Variants in PGLS observed in about 807,000 individuals in gnomAD.
The protein encoded by PGLS is epididymis secretory protein Li 304.
Under a neutral mutation model 23.2 loss-of-function variants are expected in PGLS, and 21 were observed. The observed-to-expected ratio is 0.91, with a 90% confidence interval of 0.64 to 1.31. The LOEUF is 1.31. Ranked by LOEUF, PGLS falls within the 50% of genes most tolerant of loss-of-function variation. The pLI is 0.00. For missense variants in PGLS, 410 were observed against 354.0 expected, an observed-to-expected ratio of 1.16 and a Z score of -1.27; for synonymous variants, 179 against 165.4, an observed-to-expected ratio of 1.08 and a Z score of -0.63.
At chr19:17,514,218 C>G (rs558267214) in intron 1 of PGLS, among the ~76,000 whole-genome samples, 1 of 152,146 alleles carries the variant, frequency 6.6e-6, no homozygotes, top group Admixed American at 6.6e-5. Context: ...TCATTTTCTC[C>G]TCATCTTCTG....
intron 1 of PGLS, chr19:17,515,897 C>T (rs1160423780): frequency 6.1e-6 from 2 of 327,044 alleles, no homozygotes; most frequent in Non-Finnish European, 1.2e-5. Flanking sequence ...GTCCAGCCCC[C>T]CAAGAGCAGC....
rs2075508142 is a variant in PGLS at position 17,511,825 on chromosome 19, C to G, written c.153C>G (p.Val51=). 1 of 1,520,594 alleles carries G rather than the reference C, an allele frequency of 6.6e-7. No individual in the cohort carries two copies. The highest frequency in any genetic ancestry group is 8.8e-7 in the Non-Finnish European group (1 of 1,138,516). The allele number at this position is 1,520,594 out of a possible 1,614,324, so 94.2% of individuals were successfully genotyped here. A position where few individuals can be genotyped will look rare whatever the true frequency, so the allele number is the denominator to read the frequency against. The change falls in exon 1 of 5, where the codon GTC becomes GTG. Residue 51 remains valine, a synonymous_variant. Coordinates refer to ENST00000252603, the MANE Select transcript of PGLS (RefSeq NM_012088.3). ...FALGLSGGSL[V]SMLARELPAA... ...TCGGCCTGTCGGGCGGGAGCCTCGT[C>G]TCGATGCTAGCCCGCGAGCTACCCG... is the stretch of plus-strand genomic sequence containing the variant.
chr19:17,514,987 C>T (rs1382312486), intron 1 of PGLS, among the ~76,000 whole-genome samples: 3 of 151,822 alleles, frequency 2.0e-5, no homozygotes, highest in African/African-American at 7.3e-5. Flanking sequence ...CGAAGTTTCA[C>T]TATGCTGCCC....
intron 2 of PGLS, among the ~76,000 whole-genome samples, chr19:17,516,804 G>A (rs2075535264): frequency 1.3e-5 from 2 of 150,826 alleles, no homozygotes; most frequent in South Asian, 4.2e-4. Context: ...AGCCAGGATG[G>A]TCTCGATCTC....
rs2075524046 is a variant in PGLS, at chr19:17,514,477, C to A, written c.289-1696C>A. 2.0e-5 allele frequency among the ~76,000 whole-genome samples: 3 copies of A among 151,374 alleles called. No homozygotes were observed. In the South Asian group the frequency reaches 6.3e-4, roughly 32 times the overall value. On this transcript the variant is annotated intron_variant, in intron 1 of 4. Transcript: ENST00000252603. The stretch of plus-strand genomic sequence containing the variant: ...CTTCCTTCCTCCCTTCCTATACTTT[C>A]TTTTCTTTTCCTTTCCTTTTCTTTC...
At position 17,517,335 on chromosome 19, in the gene PGLS, G is replaced by A; in HGVS notation, c.444G>A (p.Gly148=). Residue 148 remains glycine, a synonymous_variant, in exon 3 of 5, where the codon GGG becomes GGA. Coordinates refer to ENST00000252603, the MANE Select transcript of PGLS (RefSeq NM_012088.3). The part of the protein sequence containing the change: ...SIPVFDLLIL[G]VGPDGHTCSL... ...CGGTTTTCGACCTGCTGATCCTGGG[G>A]GTGGGCCCCGATGGTCACACCTGCT... 3 of 1,613,972 alleles carry A rather than the reference G, an allele frequency of 1.9e-6. No individual in the cohort carries two copies. The highest frequency in any genetic ancestry group is 1.7e-6 in the Non-Finnish European group (2 of 1,179,958).
chr19:17,512,647 T>C (rs1216570811), intron 1 of PGLS: 1 of 151,960 alleles, frequency 6.6e-6, no homozygotes, highest in South Asian at 2.1e-4. Context: ...CAGGATTCTA[T>C]AGAATCAGAG....
chr19:17,517,413 C>A, intron 3 of PGLS, 24 bp downstream of exon 3: 1 of 1,549,684 alleles, frequency 6.5e-7, no homozygotes, highest in Non-Finnish European at 8.9e-7. Flanking sequence ...TGCGGGGTTC[C>A]ACCCTAGTCC....
intron 2 of PGLS, chr19:17,516,486 G>A: frequency 2.9e-6 from 4 of 1,380,276 alleles, no homozygotes; most frequent in Non-Finnish European, 3.8e-6. Context: ...TAACAGGCCT[G>A]GGTCCTCACA....
chr19:17,512,261 C>T (rs2075512347), intron 1 of PGLS: 1 of 433,506 alleles, frequency 2.3e-6, no homozygotes, highest in Non-Finnish European at 4.1e-6. Context: ...ACTACGGGGG[C>T]CGCTGGGGGT....
Position 17,511,706 on chromosome 19 carries a change from T to G in PGLS, c.34T>G (p.Phe12Val). Residue 12 changes from phenylalanine (F) to valine (V), a missense_variant, in exon 1 of 5, where the codon TTC (phenylalanine) becomes GTC (valine). Physicochemically the swap from Phe to Val is conservative, Grantham distance 50. Transcript: ENST00000252603. The stretch of plus-strand genomic sequence containing the variant: ...GCCGGCCCCGGGCCTCATCTCGGTG[T>G]TCTCGAGTTCCCAGGAGCTGGGTGC... ...AAPAPGLISV[F>V]SSSQELGAAL... The G allele has an allele frequency of 6.6e-7, 1 of 1,508,676 alleles. No individual in the cohort carries two copies. Among genetic ancestry groups the G allele is most frequent in the African/African-American group, 1.5e-5 (1 of 68,654 alleles). 93.5% of individuals were successfully genotyped at this position (1,508,676 alleles called of 1,614,324 possible). A position where few individuals can be genotyped will look rare whatever the true frequency, so the allele number is the denominator to read the frequency against.
In PGLS at chr19:17,511,848, C is replaced by T; in HGVS notation, c.176C>T (p.Pro59Leu). The T allele has an allele frequency of 1.3e-6, 2 of 1,530,892 alleles. No homozygotes were observed. Among genetic ancestry groups the T allele is most frequent in the Non-Finnish European group, 8.8e-7 (1 of 1,142,154 alleles). The allele number at this position is 1,530,892 out of a possible 1,614,324, so 94.8% of individuals were successfully genotyped here. A position where few individuals can be genotyped will look rare whatever the true frequency, so the allele number is the denominator to read the frequency against. Reference sequence around the variant, plus strand: ...GTCTCGATGCTAGCCCGCGAGCTACCCGCCGCCGTCGCCCCTGCCGGGCCA... The same window carrying T: ...GTCTCGATGCTAGCCCGCGAGCTACTCGCCGCCGTCGCCCCTGCCGGGCCA... ...SLVSMLARELPAAVAPAGPAS... is the reference protein window; with the variant it reads ...SLVSMLARELLAAVAPAGPAS... The change falls in exon 1 of 5, where the codon CCC (proline) becomes CTC (leucine). Residue 59 changes from proline to leucine, a missense_variant. Transcript: ENST00000252603.
At chr19:17,514,443 C>T (rs1270091366) in intron 1 of PGLS, among the ~76,000 whole-genome samples, 1 of 151,270 alleles carries the variant, frequency 6.6e-6, no homozygotes, top group East Asian at 1.9e-4. Context: ...CCCTCCCTTC[C>T]TTCCCTTCCT....
intron 4 of PGLS, among the ~76,000 whole-genome samples, chr19:17,520,729 T>TC (rs2075553669): frequency 6.6e-6 from 1 of 151,772 alleles, no homozygotes; most frequent in African/African-American, 2.4e-5. Context: ...AGACTCCATC[T>TC]CAAAATAAAT....
At position 17,516,761 on chromosome 19, in the gene PGLS, A is replaced by AT. The variant is rs368385360; in HGVS notation, c.396+488dup. Among the ~76,000 whole-genome samples the AT allele has an allele frequency of 5.5e-3, 784 of 142,178 alleles. 8 individuals are homozygous for AT. The highest frequency in any genetic ancestry group is 0.018 in the African/African-American group (683 of 38,074). The allele number at this position is 142,178 out of a possible 152,430, so 93.3% of individuals were successfully genotyped here. A position where few individuals can be genotyped will look rare whatever the true frequency, so the allele number is the denominator to read the frequency against. On this transcript the variant is annotated intron_variant, in intron 2 of 4. Coordinates refer to ENST00000252603, the MANE Select transcript of PGLS (RefSeq NM_012088.3). ...CACCACGCCTGGTTAATTTTTTTGT[A>AT]TTTTTTTAGTAGAGACGGGGTTTCA...
chr19:17,520,653 A>C, intron 4 of PGLS: 1 of 241,932 alleles, frequency 4.1e-6, no homozygotes, highest in Non-Finnish European at 7.8e-6. Context: ...ATCGCTTGAA[A>C]CCGGGAGGCG....
At chr19:17,518,944 C>G (rs1451222744) in intron 4 of PGLS, among the ~76,000 whole-genome samples, 1 of 152,086 alleles carries the variant, frequency 6.6e-6, no homozygotes, top group African/African-American at 2.4e-5. Flanking sequence ...CTCAGGAGTT[C>G]GAAGCTATAG....
rs777447600 is a variant in PGLS at position 17,511,690 on chromosome 19, G to A, written c.18G>A (p.Pro6=). The part of the protein sequence containing the change: MAAPA[P]GLISVFSSSQ... Reference sequence around the variant, plus strand: ...CCCTCGCCATGGCCGCGCCGGCCCCGGGCCTCATCTCGGTGTTCTCGAGTT... The same window carrying A: ...CCCTCGCCATGGCCGCGCCGGCCCCAGGCCTCATCTCGGTGTTCTCGAGTT... The change falls in exon 1 of 5, where the codon CCG becomes CCA. Residue 6 remains proline, a synonymous_variant. Transcript: ENST00000252603. The A allele has an allele frequency of 6.7e-7, 1 of 1,503,586 alleles. No homozygotes were observed. The highest frequency in any genetic ancestry group is 8.8e-7 in the Non-Finnish European group (1 of 1,133,422). 93.1% of individuals were successfully genotyped at this position (1,503,586 alleles called of 1,614,324 possible). A position where few individuals can be genotyped will look rare whatever the true frequency, so the allele number is the denominator to read the frequency against.
chr19:17,517,074 A>G (rs1219081236), intron 2 of PGLS, among the ~76,000 whole-genome samples: 2 of 150,528 alleles, frequency 1.3e-5, no homozygotes, highest in Non-Finnish European at 3.0e-5. Context: ...TAGTAGAGAC[A>G]GGGTTTCATC....
Sources: allele counts gnomAD v4.1 joint callset (sites outside exome capture counted in the v4.1 genomes callset), GRCh38; gene constraint gnomAD v4.1.1; transcripts MANE v1.5; gene names NCBI Gene and HGNC (gene_info 2026-07-23, HGNC 2026-07-21).